Variants in CRYBG1 observed in about 807,000 individuals in gnomAD.
CRYBG1 encodes the protein crystallin beta-gamma domain containing 1, also known as beta/gamma crystallin domain-containing protein 1.
CRYBG1 carries 139 observed loss-of-function variants against 189.2 expected under a neutral mutation model. The ratio of observed to expected loss-of-function variants is 0.73; its 90% CI spans 0.64 to 0.85. The LOEUF is 0.85. Among genes scored for constraint, CRYBG1 ranks in the 40% least tolerant of loss-of-function variants. The pLI is 0.00. For missense variants in CRYBG1, 2,611 were observed against 2,675.8 expected, an observed-to-expected ratio of 0.98 and a Z score of 0.53; for synonymous variants, 1,023 against 1,017.1, an observed-to-expected ratio of 1.01 and a Z score of -0.11.
Position 106,361,082 on chromosome 6 carries a change from G to C in CRYBG1, c.173+1G>C. 1 of 1,534,688 alleles carries C rather than the reference G, an allele frequency of 6.5e-7. No homozygotes were observed. Among genetic ancestry groups the C allele is most frequent in the Non-Finnish European group, 8.7e-7 (1 of 1,146,428 alleles). ...TCCCGGCGCCTGCCGGAGAGGCCAG[G>C]TGAGCTCCTCGCCCGAGCCCTCCAG... is the stretch of plus-strand genomic sequence containing the variant. On this transcript the variant is annotated splice_donor_variant, in intron 1 of 21. Transcript: ENST00000633556. LOFTEE classifies it high-confidence loss of function.
chr6:106,405,762 C>T (rs922067051), intron 1 of CRYBG1, among the ~76,000 whole-genome samples: 2 of 152,202 alleles, frequency 1.3e-5, no homozygotes, highest in African/African-American at 4.8e-5. Flanking sequence ...AGTGGACCTC[C>T]AGCAAACGTG....
In CRYBG1 at chr6:106,483,501, T is replaced by C. The variant is rs183884905; in HGVS notation, c.313-27929T>C. Among the ~76,000 whole-genome samples, 553 of 151,884 alleles carry C rather than the reference T, an allele frequency of 3.6e-3. 6 individuals are homozygous for C. Among genetic ancestry groups the C allele is most frequent in the Non-Finnish European group, 2.7e-3 (183 of 67,926 alleles). On this transcript the variant is annotated intron_variant, in intron 2 of 21. Coordinates refer to ENST00000633556, the MANE Select transcript of CRYBG1 (RefSeq NM_001371242.2). ...GCTACAATAAACATGGGAGTGCAGA[T>C]ACCAATTTCATTTCCTTTGGAATAC...
chr6:106,566,168 A>G (rs1008768940), intron 21 of CRYBG1, among the ~76,000 whole-genome samples: 1 of 77,680 alleles, frequency 1.3e-5, no homozygotes, highest in Non-Finnish European at 2.5e-5. Flanking sequence ...CACCAGCGTG[A>G]AAAAAAAAAA....
At chr6:106,452,731 AG>A (rs1360521074) in intron 2 of CRYBG1, among the ~76,000 whole-genome samples, 2 of 152,188 alleles carry the variant, frequency 1.3e-5, no homozygotes, top group East Asian at 1.9e-4. Flanking sequence ...TTAAAAGAAA[AG>A]TTTTCTCCAA....
intron 1 of CRYBG1, among the ~76,000 whole-genome samples, chr6:106,376,303 C>A (rs1051651824): frequency 1.1e-4 from 17 of 152,186 alleles, no homozygotes; most frequent in Non-Finnish European, 1.9e-4. Context: ...AATTTCCTTA[C>A]TCATTTCCCT....
chr6:106,464,573 GATTTT>G (rs1449306949), intron 2 of CRYBG1, among the ~76,000 whole-genome samples: 1 of 151,498 alleles, frequency 6.6e-6, no homozygotes, highest in African/African-American at 2.4e-5. Context: ...TTTCCTATTT[GATTTT>G]GTTTCATTAG....
At chr6:106,534,372 T>C (rs925754678) in intron 8 of CRYBG1, among the ~76,000 whole-genome samples, 5 of 152,222 alleles carry the variant, frequency 3.3e-5, no homozygotes, top group African/African-American at 1.2e-4. Flanking sequence ...CAGATGTTAA[T>C]TCAAAGTTTG....
rs138011084 is a variant in CRYBG1, at chr6:106,525,877, C to G, written c.4412+491C>G. On this transcript the variant is annotated intron_variant, in intron 6 of 21. Coordinates refer to ENST00000633556, the MANE Select transcript of CRYBG1 (RefSeq NM_001371242.2). ...ATAATCTATAAAGAAAGGCATTTTT[C>G]TAACTTTTTAATGACAGTTCAATGC... 5.1e-3 allele frequency among the ~76,000 whole-genome samples: 783 copies of G among 152,224 alleles called. 4 individuals carry two copies. The highest frequency in any genetic ancestry group is 0.018 in the African/African-American group (739 of 41,548).
chr6:106,417,315 A>G (rs1208722371), intron 1 of CRYBG1, among the ~76,000 whole-genome samples: 1 of 152,174 alleles, frequency 6.6e-6, no homozygotes, highest in Non-Finnish European at 1.5e-5. Context: ...AGAGGCATCT[A>G]GGGCATAAGA....
At chr6:106,436,011 A>G (rs997058592) in intron 1 of CRYBG1, among the ~76,000 whole-genome samples, 2 of 152,202 alleles carry the variant, frequency 1.3e-5, no homozygotes, top group African/African-American at 4.8e-5. Flanking sequence ...ATGCATTAAT[A>G]TTTTATTAAA....
chr6:106,554,875 AC>A (rs1464157858), intron 16 of CRYBG1, among the ~76,000 whole-genome samples: 1 of 152,066 alleles, frequency 6.6e-6, no homozygotes, highest in Non-Finnish European at 1.5e-5. Flanking sequence ...GTTAAAAACA[AC>A]AACAACAGGG....
rs189255224 is a variant in CRYBG1 at position 106,518,950 on chromosome 6, C to T, written c.1923-181C>T. Among the ~76,000 whole-genome samples, 524 of 147,314 alleles carry T rather than the reference C, an allele frequency of 3.6e-3. 2 individuals are homozygous for T. The highest frequency in any genetic ancestry group is 6.8e-3 in the Middle Eastern group (2 of 292). ...CTCCAGTCTTGGCGACAGAGCAAGA[C>T]CTTGTCTTAAAAACACATGTGTGCG... On this transcript the variant is annotated intron_variant, in intron 3 of 21. Transcript: ENST00000633556.
chr6:106,404,373 T>C (rs1039234010), intron 1 of CRYBG1, among the ~76,000 whole-genome samples: 1 of 152,242 alleles, frequency 6.6e-6, no homozygotes, highest in African/African-American at 2.4e-5. Context: ...TGTGCTGGAA[T>C]TCTAAGAGTT....
intron 1 of CRYBG1, among the ~76,000 whole-genome samples, chr6:106,410,064 A>G (rs1031229841): frequency 6.6e-6 from 1 of 152,256 alleles, no homozygotes; most frequent in African/African-American, 2.4e-5. Flanking sequence ...AGCAAAAGAT[A>G]CTACCATCAG....
intron 21 of CRYBG1, among the ~76,000 whole-genome samples, chr6:106,566,580 T>G (rs1774895813): frequency 6.9e-6 from 1 of 145,762 alleles, no homozygotes; most frequent in Admixed American, 7.1e-5. Context: ...CAAGCAATTC[T>G]CCTGCCTTAG....
At chr6:106,428,660 TAC>T (rs1771270573) in intron 1 of CRYBG1, among the ~76,000 whole-genome samples, 1 of 152,206 alleles carries the variant, frequency 6.6e-6, no homozygotes, top group Admixed American at 6.5e-5. Context: ...CCTAAGGTGA[TAC>T]AGTTAGACAC....
intron 2 of CRYBG1, among the ~76,000 whole-genome samples, chr6:106,463,112 C>G (rs778026619): frequency 2.0e-5 from 3 of 151,978 alleles, no homozygotes; most frequent in Non-Finnish European, 4.4e-5. Context: ...TAGGATGGCA[C>G]CAGTACACTC....
intron 2 of CRYBG1, among the ~76,000 whole-genome samples, chr6:106,498,852 CA>C (rs1390366982): frequency 2.7e-5 from 4 of 150,288 alleles, no homozygotes; most frequent in Non-Finnish European, 5.9e-5. Flanking sequence ...CCAGCCTGGG[CA>C]AAAAAAGTGA....
chr6:106,430,382 C>T (rs1015857865), intron 1 of CRYBG1, among the ~76,000 whole-genome samples: 1 of 151,926 alleles, frequency 6.6e-6, no homozygotes, highest in African/African-American at 2.4e-5. Context: ...GACTGGGCAA[C>T]AGAGCAAGAA....
Sources: allele counts gnomAD v4.1 joint callset (sites outside exome capture counted in the v4.1 genomes callset), GRCh38; gene constraint gnomAD v4.1.1; transcripts MANE v1.5; gene names NCBI Gene and HGNC (gene_info 2026-07-23, HGNC 2026-07-21).